Variants in AASDH observed in about 807,000 individuals in gnomAD.
AASDH encodes beta-alanine-activating enzyme.
In AASDH, 81 loss-of-function variants were observed where a neutral mutation model predicts 102.3. That is an observed-to-expected ratio of 0.79 (90% CI 0.66 to 0.95). The LOEUF (loss-of-function observed/expected upper bound fraction) is 0.95. Ranked by LOEUF, AASDH falls within the 40% of genes least tolerant of loss-of-function variation. The pLI is 0.00. For missense variants in AASDH, 1,203 were observed against 1,266.2 expected, an observed-to-expected ratio of 0.95 and a Z score of 0.76; for synonymous variants, 398 against 454.0, an observed-to-expected ratio of 0.88 and a Z score of 1.57.
In AASDH at chr4:56,354,729, C is replaced by T. The variant is rs1749394394; in HGVS notation, c.1186G>A (p.Glu396Lys). Residue 396 changes from glutamate (E) to lysine (K), a missense_variant, in exon 7 of 15, where the codon GAA becomes AAA. Coordinates refer to ENST00000205214, the MANE Select transcript of AASDH (RefSeq NM_181806.4). Reference protein sequence around the residue: ...VRDTNGFTIQEGSGQVFLGGR... With the variant: ...VRDTNGFTIQKGSGQVFLGGR... ...CCTAAAAATACTTGGCCACTGCCTT[C>T]CTGAATTGTGAAGCCATTAGTATCT... 1 of 1,604,262 alleles carries T rather than the reference C, an allele frequency of 6.2e-7. No homozygotes were observed. The highest frequency in any genetic ancestry group is 1.3e-5 in the African/African-American group (1 of 74,488).
chr4:56,340,451 T>A (rs897273162), intron 14 of AASDH, among the ~76,000 whole-genome samples: 1 of 152,126 alleles, frequency 6.6e-6, no homozygotes, highest in African/African-American at 2.4e-5. Context: ...TGAATGGTGC[T>A]GGGAAAATTG....
rs1358085702 is a variant in AASDH at position 56,341,985 on chromosome 4, G to A, written c.2907+850C>T. ...AAATTAGCCAGGCATGGCAGCATGC[G>A]CCTGTAGTCCCAGCTACTCGGGAGG... is the stretch of plus-strand genomic sequence containing the variant. On this transcript the variant is annotated intron_variant, in intron 14 of 14. Transcript: ENST00000205214. 6.6e-5 allele frequency among the ~76,000 whole-genome samples: 10 copies of A among 151,640 alleles called. 1 individual carries two copies. Among genetic ancestry groups the A allele is most frequent in the Admixed American group, 5.3e-4 (8 of 15,212 alleles).
At chr4:56,385,414 C>G (rs1371791309) in intron 1 of AASDH, among the ~76,000 whole-genome samples, 1 of 152,132 alleles carries the variant, frequency 6.6e-6, no homozygotes, top group Non-Finnish European at 1.5e-5. Context: ...GCAATGTTCT[C>G]TGGGTTTCTT....
intron 5 of AASDH, chr4:56,356,276 A>G (rs1749628995): frequency 2.8e-5 from 30 of 1,068,138 alleles, no homozygotes; most frequent in Non-Finnish European, 4.2e-5. Flanking sequence ...CCAGCCCAAA[A>G]GAGACCTCAC....
At chr4:56,380,427 C>T (rs1202221118) in intron 3 of AASDH, among the ~76,000 whole-genome samples, 1 of 152,100 alleles carries the variant, frequency 6.6e-6, no homozygotes, top group African/African-American at 2.4e-5. Context: ...ACCCAGAAGC[C>T]TACAGTGTTT....
intron 3 of AASDH, among the ~76,000 whole-genome samples, chr4:56,378,891 T>A (rs1752660871): frequency 6.6e-6 from 1 of 150,898 alleles, no homozygotes; most frequent in African/African-American, 2.4e-5. Context: ...TTTTATTTAT[T>A]TTTTTTTTTT....
Position 56,354,784 on chromosome 4 carries a change from A to C in AASDH, c.1131T>G (p.Phe377Leu), listed in dbSNP as rs1203616536. Residue 377 changes from phenylalanine to leucine, a missense_variant, in exon 7 of 15, where the codon TTT (phenylalanine) becomes TTG (leucine). Physicochemically the swap from Phe to Leu is conservative, Grantham distance 22. Transcript: ENST00000205214. ...LKCELPVQLG[F>L]PLLGTVVEVR... is the part of the protein sequence containing the mutation. Reference sequence around the variant, plus strand: ...CTTCAACTACTGTTCCAAGAAGTGGAAATCCCAGTTGTACAGGCAATTCAC... The same window carrying C: ...CTTCAACTACTGTTCCAAGAAGTGGCAATCCCAGTTGTACAGGCAATTCAC... 6.2e-7 allele frequency: 1 copy of C among 1,610,658 alleles called. No individual in the cohort carries two copies. The highest frequency in any genetic ancestry group is 1.3e-5 in the African/African-American group (1 of 74,960).
rs1348878450 is a variant in AASDH, at chr4:56,356,109, G to A, written c.862-686C>T. On this transcript the variant is annotated intron_variant, in intron 5 of 14. Coordinates refer to ENST00000205214, the MANE Select transcript of AASDH (RefSeq NM_181806.4). ...CAAAAGGGTTTAAAAATGTGCCTAA[G>A]TAGCTCTCTCCTCCCGCCGTCCAAG... is the stretch of plus-strand genomic sequence containing the variant. 4.8e-6 allele frequency: 3 copies of A among 619,524 alleles called. No homozygotes were observed. The East Asian group carries it at 8.1e-5, about 17-fold the overall frequency. 38.4% of individuals were successfully genotyped at this position (619,524 alleles called of 1,614,324 possible). A position where few individuals can be genotyped will look rare whatever the true frequency, so the allele number is the denominator to read the frequency against.
Position 56,371,408 on chromosome 4 carries a change from T to C in AASDH, c.861+43A>G, listed in dbSNP as rs552022664. The C allele has an allele frequency of 7.2e-6, 11 of 1,531,498 alleles. No individual in the cohort carries two copies. The East Asian group carries it at 9.1e-5, about 13-fold the overall frequency. 94.9% of individuals were successfully genotyped at this position (1,531,498 alleles called of 1,614,324 possible). A position where few individuals can be genotyped will look rare whatever the true frequency, so the allele number is the denominator to read the frequency against. On this transcript the variant is annotated intron_variant, in intron 5 of 14. Coordinates refer to ENST00000205214, the MANE Select transcript of AASDH (RefSeq NM_181806.4). ...AATATTCTCTAAAACACTTAAAATA[T>C]TGAAAAATGATAAACAAAACGTTCA...
At position 56,349,507 on chromosome 4, in the gene AASDH, T is replaced by C. The variant is rs1748728993; in HGVS notation, c.2244A>G (p.Ile748Met). 1.2e-6 allele frequency: 2 copies of C among 1,614,212 alleles called. No homozygotes were observed. Among genetic ancestry groups the C allele is most frequent in the Non-Finnish European group, 1.7e-6 (2 of 1,180,024 alleles). Reference sequence around the variant, plus strand: ...CATGTAACTCCATTTTCTGAGTCCCTATCGCAGGTTTCCCCTCTTCAGAAA... The same window carrying C: ...CATGTAACTCCATTTTCTGAGTCCCCATCGCAGGTTTCCCCTCTTCAGAAA... ...AKVSEEGKPA[I>M]GTQKMELHVR... Residue 748 changes from isoleucine to methionine, a missense_variant, in exon 11 of 15, where the codon ATA (isoleucine) becomes ATG (methionine). Coordinates refer to ENST00000205214, the MANE Select transcript of AASDH (RefSeq NM_181806.4).
At position 56,353,404 on chromosome 4, in the gene AASDH, C is replaced by T. The variant is rs201710223; in HGVS notation, c.1576G>A (p.Gly526Ser). ...ACATATCTGCTTTAAATTACTTTAC[C>T]GTGGGATGTAAATGGTAGAGAGTCG... is the stretch of plus-strand genomic sequence containing the variant. ...LIDSLPFTSH[G>S]KIDVSELNKI... The change falls in exon 9 of 15, where the codon GGC becomes AGC. Residue 526 changes from glycine (G) to serine (S), a missense_variant and splice_region_variant. Gly to Ser is a moderately conservative substitution (Grantham distance 56). Coordinates refer to ENST00000205214, the MANE Select transcript of AASDH (RefSeq NM_181806.4). 3.4e-5 allele frequency: 54 copies of T among 1,588,772 alleles called. No individual in the cohort carries two copies. Among genetic ancestry groups the T allele is most frequent in the Admixed American group, 9.1e-5 (5 of 54,682 alleles).
At chr4:56,357,911 G>C (rs1210736853) in intron 5 of AASDH, among the ~76,000 whole-genome samples, 1 of 151,686 alleles carries the variant, frequency 6.6e-6, no homozygotes, top group African/African-American at 2.4e-5. Flanking sequence ...GCTGGGAAGT[G>C]TGTTTAATTT....
At chr4:56,370,594 G>A (rs1751575724) in intron 5 of AASDH, among the ~76,000 whole-genome samples, 1 of 152,030 alleles carries the variant, frequency 6.6e-6, no homozygotes, top group African/African-American at 2.4e-5. Context: ...TAATGAATCA[G>A]CGAGTGGGCC....
chr4:56,372,184 G>A (rs1243427219), intron 4 of AASDH, among the ~76,000 whole-genome samples: 1 of 152,170 alleles, frequency 6.6e-6, no homozygotes, highest in Non-Finnish European at 1.5e-5. Flanking sequence ...CAGCAGCTGG[G>A]TCTGCAATTA....
intron 6 of AASDH, 115 bp downstream of exon 6, chr4:56,355,067 G>A: frequency 7.8e-7 from 1 of 1,279,656 alleles, no homozygotes; most frequent in South Asian, 1.6e-5. Context: ...TAAAATATCA[G>A]ATACAATCGT....
At chr4:56,342,064 A>T (rs796750192) in intron 14 of AASDH, among the ~76,000 whole-genome samples, 1 of 149,590 alleles carries the variant, frequency 6.7e-6, no homozygotes, top group African/African-American at 2.5e-5. Context: ...GTGAGCCAAG[A>T]TCACACCAAT....
chr4:56,353,498 T>G lies in AASDH; in HGVS notation c.1482A>C (p.Lys494Asn), dbSNP rs763606541. The change falls in exon 9 of 15, where the codon AAA becomes AAC. Residue 494 changes from lysine (K) to asparagine (N), a missense_variant. Lys to Asn is a moderately conservative substitution (Grantham distance 94). Transcript: ENST00000205214. ...LFMVSKDASV[K>N]EYIFKELQKY... is the part of the protein sequence containing the mutation. The stretch of plus-strand genomic sequence containing the variant: ...TCTGCAGTTCTTTAAAGATGTATTC[T>G]TTTACTGAAGCATCTTTAGACACCA... The G allele has an allele frequency of 1.9e-6, 3 of 1,613,738 alleles. No individual in the cohort carries two copies.
intron 5 of AASDH, among the ~76,000 whole-genome samples, chr4:56,363,881 T>C (rs920226581): frequency 8.5e-5 from 13 of 152,124 alleles, no homozygotes; most frequent in African/African-American, 3.1e-4. Flanking sequence ...AGAATGACTT[T>C]GACAAGTTGA....
At chr4:56,342,812 T>G (rs745845167) in intron 14 of AASDH, 23 bp downstream of exon 14, 14 of 1,163,186 alleles carry the variant, frequency 1.2e-5, no homozygotes, top group Non-Finnish European at 1.5e-5. Flanking sequence ...AATGTATATA[T>G]AAAAAATTTC....
Sources: allele counts gnomAD v4.1 joint callset (sites outside exome capture counted in the v4.1 genomes callset), GRCh38; gene constraint gnomAD v4.1.1; transcripts MANE v1.5; gene names NCBI Gene and HGNC (gene_info 2026-07-23, HGNC 2026-07-21).